The following PITPNM3 variants were observed in gnomAD, a reference collection of about 807,000 sequenced individuals.
PITPNM3 encodes PITPNM family member 3.
Under a neutral mutation model 102.0 loss-of-function variants are expected in PITPNM3, and 26 were observed. The ratio of observed to expected loss-of-function variants is 0.25; its 90% CI spans 0.19 to 0.35. The LOEUF is 0.35. Ranked by LOEUF, PITPNM3 falls within the 10% of genes least tolerant of loss-of-function variation. The probability of loss-of-function intolerance (pLI) is 1.00; values close to 1 mark genes in which losing one functional copy is unlikely to be tolerated. For synonymous variants in PITPNM3, 578 were observed against 558.6 expected (o/e 1.03, Z -0.49); for missense variants, 1,083 against 1,346.1 (o/e 0.80, Z 3.06).
intron 4 of PITPNM3, among the ~76,000 whole-genome samples, chr17:6,496,621 C>G (rs1229673774): frequency 6.6e-6 from 1 of 152,188 alleles, no homozygotes; most frequent in Non-Finnish European, 1.5e-5. Flanking sequence ...TTCCCCTCCT[C>G]CGTCTCCCAG....
At chr17:6,516,001 C>T (rs987913395) in intron 3 of PITPNM3, among the ~76,000 whole-genome samples, 1 of 152,086 alleles carries the variant, frequency 6.6e-6, no homozygotes, top group African/African-American at 2.4e-5. Flanking sequence ...GACAACACAG[C>T]GAGACCCTGT....
intron 14 of PITPNM3, among the ~76,000 whole-genome samples, chr17:6,467,082 A>AAAAAAAAAAAAAAAAAAAAAAC (rs1904821435): frequency 1.6e-5 from 2 of 122,838 alleles, no homozygotes; most frequent in Non-Finnish European, 3.1e-5. Flanking sequence ...AAAAAAAACC[A>AAAAAAAAAAAAAAAAAAAAAAC]AAAAAAAAAA....
rs1269771703 is a variant in PITPNM3 at position 6,469,017 on chromosome 17, A to G, written c.1774-676T>C. Among the ~76,000 whole-genome samples the G allele has an allele frequency of 6.6e-6, 1 of 151,218 alleles. No homozygotes were observed. The highest frequency in any genetic ancestry group is 2.0e-4 in the East Asian group (1 of 5,114). On this transcript the variant is annotated intron_variant, in intron 13 of 19. Transcript: ENST00000262483. The surrounding 1 kb of genome is among the most constrained non-coding windows in gnomAD (Gnocchi z 4.0). ...TGCCCCGGTGACTCCCACCCCGCCT[A>G]TCTCAGGGGTCCTCTCCCTACACTC...
At chr17:6,508,568 G>C (rs1435891258) in intron 3 of PITPNM3, among the ~76,000 whole-genome samples, 1 of 152,172 alleles carries the variant, frequency 6.6e-6, no homozygotes, top group African/African-American at 2.4e-5. Flanking sequence ...GACAGCGAAA[G>C]GCTGCCACAG....
At chr17:6,480,672 C>T (rs1056070631) in intron 6 of PITPNM3, 25 of 152,526 alleles carry the variant, frequency 1.6e-4, no homozygotes, top group African/African-American at 5.5e-4. Flanking sequence ...CCTCCTGCCC[C>T]TGACTGAAAG....
intron 11 of PITPNM3, 86 bp from the exon 12 acceptor site, chr17:6,471,441 G>A: frequency 1.5e-6 from 2 of 1,314,912 alleles, no homozygotes; most frequent in Non-Finnish European, 2.0e-6. Flanking sequence ...TGGGAGGGAG[G>A]CTGGGCACTT....
intron 3 of PITPNM3, among the ~76,000 whole-genome samples, chr17:6,520,473 T>G (rs950924876): frequency 6.6e-6 from 1 of 152,238 alleles, no homozygotes; most frequent in African/African-American, 2.4e-5. Flanking sequence ...TATACCCATA[T>G]GAAAAGCTCT....
intron 5 of PITPNM3, 76 bp from the exon 6 acceptor site, chr17:6,483,828 CAT>C (rs753633880): frequency 5.2e-5 from 63 of 1,212,824 alleles, no homozygotes; most frequent in Middle Eastern, 4.3e-4. Flanking sequence ...CACACACACA[CAT>C]GTGCGCATAC....
rs1567655018 is a variant in PITPNM3 at position 6,453,011 on chromosome 17, T to TGCCTTCCTGTCTTTCTTTCTCC, written c.*2326_*2327insGGAGAAAGAAAGACAGGAAGGC. 20 of 128,848 alleles carry TGCCTTCCTGTCTTTCTTTCTCC rather than the reference T, an allele frequency of 1.6e-4. No individual in the cohort carries two copies. The highest frequency in any genetic ancestry group is 5.5e-4 in the African/African-American group (20 of 36,250). The allele number at this position is 128,848 out of a possible 1,614,324, so 8.0% of individuals were successfully genotyped here. A position where few individuals can be genotyped will look rare whatever the true frequency, so the allele number is the denominator to read the frequency against. On this transcript the variant is annotated 3_prime_UTR_variant, in exon 20 of 20. Transcript: ENST00000262483. ...CTCTCTCTGTCTTCCTTTCTCTCTCTCTCTCTCTCTCTGCCTTCCTGTCTT... is the reference window on the plus strand; with the variant it reads ...CTCTCTCTGTCTTCCTTTCTCTCTCTGCCTTCCTGTCTTTCTTTCTCCCTCTCTCTCTCTGCCTTCCTGTCTT...
chr17:6,470,471 G>A lies in PITPNM3; in HGVS notation c.1625-63C>T, dbSNP rs532871436. On this transcript the variant is annotated intron_variant, in intron 12 of 19. Transcript: ENST00000262483. The surrounding 1 kb of genome is among the most constrained non-coding windows in gnomAD (Gnocchi z 4.8). Reference sequence around the variant, plus strand: ...CCCGGGGCCTCACCCGAGGGGCAGCGGGGTCTCCCATTGCACAGACTGGTG... The same window carrying A: ...CCCGGGGCCTCACCCGAGGGGCAGCAGGGTCTCCCATTGCACAGACTGGTG... 50 of 1,608,772 alleles carry A rather than the reference G, an allele frequency of 3.1e-5. 1 individual carries two copies. In the East Asian group the frequency reaches 5.6e-4, roughly 18 times the overall value.
At position 6,461,367 on chromosome 17, in the gene PITPNM3, A is replaced by C; in HGVS notation, c.2490+6T>G. On this transcript the variant is annotated splice_donor_region_variant and intron_variant, in intron 18 of 19. Coordinates refer to ENST00000262483, the MANE Select transcript of PITPNM3 (RefSeq NM_031220.4). ...ATGGAGTCCCCACCCCAGGATGGCC[A>C]CTCACCTCCTGCATGAGGTTGCGCA... 1 of 1,613,658 alleles carries C rather than the reference A, an allele frequency of 6.2e-7. No homozygotes were observed. Among genetic ancestry groups the C allele is most frequent in the Non-Finnish European group, 8.5e-7 (1 of 1,179,886 alleles).
intron 4 of PITPNM3, among the ~76,000 whole-genome samples, chr17:6,487,896 C>T (rs1906194920): frequency 6.6e-6 from 1 of 152,186 alleles, no homozygotes; most frequent in Non-Finnish European, 1.5e-5. Flanking sequence ...CAGTATCCCT[C>T]ACTCCTCCCT....
chr17:6,486,372 G>C (rs1363977152), intron 4 of PITPNM3, among the ~76,000 whole-genome samples: 1 of 152,162 alleles, frequency 6.6e-6, no homozygotes, highest in Non-Finnish European at 1.5e-5. Context: ...CATCTGGGGA[G>C]GGTCCTTCCA....
intron 14 of PITPNM3, among the ~76,000 whole-genome samples, chr17:6,466,478 T>C (rs1266960682): frequency 1.3e-5 from 2 of 152,080 alleles, no homozygotes; most frequent in African/African-American, 4.8e-5. Flanking sequence ...GGTTCATGAA[T>C]ATAAGCACCT....
chr17:6,525,554 G>T, intron 2 of PITPNM3, 91 bp from the exon 3 acceptor site: 1 of 938,152 alleles, frequency 1.1e-6, no homozygotes. Flanking sequence ...ATTTTCTCTT[G>T]TCCTATTTCT....
At chr17:6,525,617 T>C (rs1908788035) in intron 2 of PITPNM3, among the ~76,000 whole-genome samples, 154 bp from the exon 3 acceptor site, 3 of 152,200 alleles carry the variant, frequency 2.0e-5, no homozygotes, top group Admixed American at 2.0e-4. Context: ...GCTAGACAGT[T>C]ACAAGACTTG....
At chr17:6,479,367 C>G (rs1355225894) in intron 6 of PITPNM3, 1 of 153,018 alleles carries the variant, frequency 6.5e-6, no homozygotes, top group Non-Finnish European at 1.5e-5. Flanking sequence ...AGCAGACTGT[C>G]CAGACTTTGC....
chr17:6,481,985 C>CCCCT, intron 6 of PITPNM3, among the ~76,000 whole-genome samples: 1 of 56,098 alleles, frequency 1.8e-5, no homozygotes, highest in Middle Eastern at 0.016. Context: ...GAAAACAGAA[C>CCCCT]CTCTCTCTCT....
chr17:6,481,272 G>C (rs1009183134), intron 6 of PITPNM3: 1 of 151,052 alleles, frequency 6.6e-6, no homozygotes, highest in African/African-American at 2.5e-5. Flanking sequence ...TCCAAGGTTG[G>C]CATCCCCATA....
Sources: allele counts gnomAD v4.1 joint callset (sites outside exome capture counted in the v4.1 genomes callset), GRCh38; gene constraint gnomAD v4.1.1; non-coding constraint Gnocchi (gnomAD v3.1); transcripts MANE v1.5; gene names NCBI Gene and HGNC (gene_info 2026-07-23, HGNC 2026-07-21).